The following RBFOX1 variants were observed in gnomAD, a reference collection of about 807,000 sequenced individuals.
RBFOX1 encodes the protein RNA binding fox-1 homolog 1.
A neutral mutation model predicts 57.7 loss-of-function variants in RBFOX1; 8 were observed. That is an observed-to-expected ratio of 0.14 (90% CI 0.08 to 0.25). The LOEUF (loss-of-function observed/expected upper bound fraction) is 0.25. Among genes scored for constraint, RBFOX1 ranks in the 10% least tolerant of loss-of-function variants. The pLI, the probability that RBFOX1 is intolerant of heterozygous loss-of-function variation, is 1.00. For missense variants in RBFOX1, 611 were observed against 548.5 expected, an observed-to-expected ratio of 1.11 and a Z score of -1.14; for synonymous variants, 326 against 222.4, an observed-to-expected ratio of 1.47 and a Z score of -4.15.
At chr16:5,292,081 G>A (rs1019439604) in intron 1 of RBFOX1, among the ~76,000 whole-genome samples, 1 of 152,066 alleles carries the variant, frequency 6.6e-6, no homozygotes, top group Non-Finnish European at 1.5e-5. Context: ...ATCACAGAGG[G>A]ATGGACGTTC....
chr16:7,316,126 G>A (rs2096433467), intron 4 of RBFOX1, among the ~76,000 whole-genome samples: 1 of 152,278 alleles, frequency 6.6e-6, no homozygotes, highest in East Asian at 1.9e-4. Flanking sequence ...CATGCAGCGT[G>A]CCAAGAAGAT....
chr16:6,360,128 C>G (rs1342582622), intron 2 of RBFOX1, among the ~76,000 whole-genome samples: 1 of 151,958 alleles, frequency 6.6e-6, no homozygotes, highest in Non-Finnish European at 1.5e-5. Context: ...CAGTATGCAT[C>G]TGTTCTTGTT....
chr16:7,443,078 C>G (rs1474502851), intron 4 of RBFOX1, among the ~76,000 whole-genome samples: 1 of 152,196 alleles, frequency 6.6e-6, no homozygotes, highest in Non-Finnish European at 1.5e-5. Context: ...CCTTACCCTT[C>G]AGTTGCACGA....
chr16:6,064,718 C>G (rs1211387041), intron 1 of RBFOX1, among the ~76,000 whole-genome samples: 1 of 151,560 alleles, frequency 6.6e-6, no homozygotes, highest in Admixed American at 6.6e-5. Context: ...TTTTTTGTAT[C>G]TTTAGTAGAG....
At chr16:5,688,704 G>A (rs914395164) in intron 3 of RBFOX1, among the ~76,000 whole-genome samples, 1 of 152,120 alleles carries the variant, frequency 6.6e-6, no homozygotes, top group Non-Finnish European at 1.5e-5. Context: ...AGACATCTTG[G>A]GTGACATAAT....
At chr16:5,390,262 T>A (rs1322227071) in intron 1 of RBFOX1, among the ~76,000 whole-genome samples, 1 of 149,862 alleles carries the variant, frequency 6.7e-6, no homozygotes, top group Non-Finnish European at 1.5e-5. Flanking sequence ...AAATATAGTA[T>A]GTAAATATCG....
chr16:6,630,348 C>T (rs2098368777), intron 2 of RBFOX1, among the ~76,000 whole-genome samples: 1 of 152,140 alleles, frequency 6.6e-6, no homozygotes, highest in African/African-American at 2.4e-5. Flanking sequence ...TCCATCCATG[C>T]ATCCATCCAT....
chr16:5,325,639 A>G (rs185403910), intron 1 of RBFOX1, among the ~76,000 whole-genome samples: 16 of 152,172 alleles, frequency 1.1e-4, no homozygotes, highest in East Asian at 5.8e-4. Flanking sequence ...CTTTGTCCCT[A>G]TAGTTTTGTT....
At chr16:5,385,738 A>C (rs1255676079) in intron 1 of RBFOX1, among the ~76,000 whole-genome samples, 1 of 152,184 alleles carries the variant, frequency 6.6e-6, no homozygotes, top group African/African-American at 2.4e-5. Flanking sequence ...GTCCCATTTA[A>C]TAGGCTATTT....
chr16:5,248,973 G>GCTGTTGTC (rs2062374652), intron 1 of RBFOX1, among the ~76,000 whole-genome samples: 1 of 103,488 alleles, frequency 9.7e-6, no homozygotes, highest in African/African-American at 3.9e-5. Context: ...GGACAACAGA[G>GCTGTTGTC]CAAGACTCCA....
chr16:5,599,789 A>G (rs893489427), exon 3 of RBFOX1: 2 of 153,760 alleles, frequency 1.3e-5, no homozygotes, highest in Admixed American at 6.4e-5. Flanking sequence ...TGATATGGAA[A>G]TAACAGAATG....
intron 7 of RBFOX1, 93 bp downstream of exon 7, chr16:7,587,393 A>C: frequency 1.0e-4 from 126 of 1,250,460 alleles, no homozygotes; most frequent in Non-Finnish European, 1.2e-4. Context: ...TAATCAGCTC[A>C]TTGTGAAAAT....
chr16:6,086,037 T>C (rs2096078350), intron 1 of RBFOX1, among the ~76,000 whole-genome samples: 1 of 152,150 alleles, frequency 6.6e-6, no homozygotes, highest in African/African-American at 2.4e-5. Context: ...TGTCTTCTCA[T>C]TGTTCAGCTA....
At chr16:7,609,134 G>A (rs543500957) in intron 10 of RBFOX1, among the ~76,000 whole-genome samples, 1 of 152,318 alleles carries the variant, frequency 6.6e-6, no homozygotes, top group Admixed American at 6.5e-5. Flanking sequence ...CCCATGAATG[G>A]AGTAGTTAGA....
chr16:5,893,683 G>C (rs2058095550), intron 4 of RBFOX1, among the ~76,000 whole-genome samples: 1 of 152,096 alleles, frequency 6.6e-6, no homozygotes, highest in African/African-American at 2.4e-5. Flanking sequence ...GTGGTTGCTT[G>C]TAATCCCGGT....
At chr16:6,732,105 C>T (rs540801314) in intron 3 of RBFOX1, among the ~76,000 whole-genome samples, 1 of 152,276 alleles carries the variant, frequency 6.6e-6, no homozygotes, top group Non-Finnish European at 1.5e-5. Flanking sequence ...TTTCAGTCTT[C>T]CCTTTGCATC....
intron 3 of RBFOX1, among the ~76,000 whole-genome samples, chr16:6,730,882 A>G (rs1603469472): frequency 6.6e-6 from 1 of 152,286 alleles, no homozygotes; most frequent in South Asian, 2.1e-4. Flanking sequence ...TGCTTCCTTG[A>G]ATTAGAATTA....
chr16:6,819,445 G>A (rs2090830409), intron 3 of RBFOX1, among the ~76,000 whole-genome samples: 2 of 152,094 alleles, frequency 1.3e-5, no homozygotes, highest in African/African-American at 4.8e-5. Context: ...GGGCATGGTG[G>A]CTGAGGCCAG....
chr16:6,161,044 C>A (rs907529853), intron 1 of RBFOX1, among the ~76,000 whole-genome samples: 29 of 152,162 alleles, frequency 1.9e-4, no homozygotes, highest in African/African-American at 6.0e-4. Flanking sequence ...TATTCTGCAG[C>A]CCTGCCCCTT....
Sources: gnomAD v4.1 joint callset for allele counts (sites outside exome capture counted in the v4.1 genomes callset) on GRCh38, gnomAD v4.1.1 for gene constraint, MANE v1.5 for transcripts, NCBI Gene and HGNC (gene_info 2026-07-23, HGNC 2026-07-21) for gene names.